SENP7: variants seen among roughly 807,000 people sequenced by gnomAD.
SENP7 encodes sentrin-specific protease 7.
A neutral mutation model predicts 141.2 loss-of-function variants in SENP7; 64 were observed. The observed-to-expected ratio is 0.45, with a 90% CI of 0.37 to 0.56. The LOEUF is 0.56. Ranked by LOEUF, SENP7 falls within the 20% of genes least tolerant of loss-of-function variation. SENP7 has a pLI of 0.00. For missense variants in SENP7, 1,025 were observed against 1,212.2 expected, an observed-to-expected ratio of 0.85 and a Z score of 2.29; for synonymous variants, 382 against 426.4, an observed-to-expected ratio of 0.90 and a Z score of 1.28.
chr3:101,374,116 A>G (rs1319568982), intron 6 of SENP7, among the ~76,000 whole-genome samples: 1 of 152,246 alleles, frequency 6.6e-6, no homozygotes, highest in Non-Finnish European at 1.5e-5. Context: ...CATATCGACC[A>G]TAGAAATAGA....
At chr3:101,334,083 T>A (rs1200533927) in intron 17 of SENP7, among the ~76,000 whole-genome samples, 1 of 152,160 alleles carries the variant, frequency 6.6e-6, no homozygotes. Flanking sequence ...GAGGCAGAGC[T>A]TAGGCAGTAA....
intron 11 of SENP7, 51 bp downstream of exon 11, chr3:101,361,664 A>T: frequency 1.4e-6 from 2 of 1,464,196 alleles, no homozygotes; most frequent in Non-Finnish European, 1.8e-6. Context: ...AAAAATTAAA[A>T]TGCCTTGTCC....
chr3:101,357,200 C>T, intron 11 of SENP7: 1 of 237,116 alleles, frequency 4.2e-6, no homozygotes. Flanking sequence ...AAGGTTTCAC[C>T]ATGTTGGTCA....
Position 101,332,792 on chromosome 3 carries a change from T to C in SENP7, c.2551A>G (p.Ile851Val). 1 of 1,556,772 alleles carries C rather than the reference T, an allele frequency of 6.4e-7. No individual in the cohort carries two copies. The highest frequency in any genetic ancestry group is 8.6e-7 in the Non-Finnish European group (1 of 1,157,854). The change falls in exon 18 of 24, where the codon ATC becomes GTC. Residue 851 changes from isoleucine (I) to valine (V), a missense_variant. By Grantham distance (29) the Ile-to-Val change is conservative. Coordinates refer to ENST00000394095, the MANE Select transcript of SENP7 (RefSeq NM_020654.5). The part of the protein sequence containing the change: ...RHINIFNKDY[I>V]FVPVNESSHW... ...TACGACTCATTTACAGGTACAAAGA[T>C]GTAATCTTTATTAAAAATGTTTATG... is the stretch of plus-strand genomic sequence containing the variant.
At chr3:101,390,234 A>C (rs2107539005) in intron 6 of SENP7, among the ~76,000 whole-genome samples, 1 of 150,312 alleles carries the variant, frequency 6.7e-6, no homozygotes, top group East Asian at 1.9e-4. Flanking sequence ...AAAAAAAAAA[A>C]AAAAAAAAAC....
At chr3:101,374,177 C>T (rs960023314) in intron 6 of SENP7, among the ~76,000 whole-genome samples, 1 of 152,074 alleles carries the variant, frequency 6.6e-6, no homozygotes, top group African/African-American at 2.4e-5. Context: ...AGATTTTTGA[C>T]AAGGATGCTG....
Position 101,513,204 on chromosome 3 carries a change from AG to A in SENP7, c.-75del. 1.8e-5 allele frequency: 3 copies of A among 169,000 alleles called. No homozygotes were observed. Among genetic ancestry groups the A allele is most frequent in the South Asian group, 4.8e-5 (1 of 20,886 alleles). The allele number at this position is 169,000 out of a possible 1,614,324, so 10.5% of individuals were successfully genotyped here. A position where few individuals can be genotyped will look rare whatever the true frequency, so the allele number is the denominator to read the frequency against. The stretch of plus-strand genomic sequence containing the variant: ...CCCTCCGGCTTGGAGAGGGAGGGGG[AG>A]GGGAAAGGAAAAAAAAAAAAAAAAA... On this transcript the variant is annotated 5_prime_UTR_variant, in exon 1 of 24. Coordinates refer to ENST00000394095, the MANE Select transcript of SENP7 (RefSeq NM_020654.5).
chr3:101,475,480 A>C (rs912585234), intron 3 of SENP7, among the ~76,000 whole-genome samples: 1 of 152,188 alleles, frequency 6.6e-6, no homozygotes, highest in African/African-American at 2.4e-5. Flanking sequence ...ACATGTCCTC[A>C]CTCATAAGTG....
At chr3:101,328,069 A>C (rs1449800358) in intron 22 of SENP7, among the ~76,000 whole-genome samples, 4 of 152,198 alleles carry the variant, frequency 2.6e-5, no homozygotes, top group Admixed American at 1.3e-4. Flanking sequence ...AACAAAGTAA[A>C]CTAAGAAATC....
intron 16 of SENP7, among the ~76,000 whole-genome samples, chr3:101,338,111 T>G (rs143388315): frequency 6.8e-6 from 1 of 147,528 alleles, no homozygotes; most frequent in African/African-American, 2.5e-5. Context: ...TGAGATCACA[T>G]CACTGCACTG....
chr3:101,420,442 G>A (rs1405317826), intron 4 of SENP7, among the ~76,000 whole-genome samples: 2 of 152,152 alleles, frequency 1.3e-5, no homozygotes, highest in South Asian at 2.1e-4. Flanking sequence ...TGTAGAGAGG[G>A]GGAACACAAG....
intron 19 of SENP7, 142 bp from the exon 20 acceptor site, chr3:101,330,528 A>G: frequency 4.0e-6 from 2 of 500,198 alleles, no homozygotes; most frequent in Middle Eastern, 5.3e-4. Context: ...TTCATGATTA[A>G]TGTTATGAAT....
intron 2 of SENP7, 27 bp downstream of exon 2, chr3:101,501,043 T>C (rs1370586531): frequency 1.3e-6 from 2 of 1,490,968 alleles, no homozygotes; most frequent in Middle Eastern, 1.7e-4. Flanking sequence ...CCAAAGATAA[T>C]AGGTTAAAAG....
chr3:101,467,976 T>C (rs767764879), intron 3 of SENP7, among the ~76,000 whole-genome samples: 2 of 152,012 alleles, frequency 1.3e-5, no homozygotes, highest in Non-Finnish European at 2.9e-5. Context: ...ATTAGACAAA[T>C]GGCTAACTAG....
rs753517318 is a variant in SENP7 at position 101,328,679 on chromosome 3, G to A, written c.2762C>T (p.Ser921Leu). The change falls in exon 21 of 24, where the codon TCG becomes TTG. Residue 921 changes from serine to leucine, a missense_variant. Ser to Leu is a moderately radical substitution (Grantham distance 145). Coordinates refer to ENST00000394095, the MANE Select transcript of SENP7 (RefSeq NM_020654.5). ...LSAEDSQSTE[S>L]NMSVPKKMCK... ...CATTTTCTTTGGTACTGACATATTCGACTCGGTACTCTGAAATAACATAAA... is the reference window on the plus strand; with the variant it reads ...CATTTTCTTTGGTACTGACATATTCAACTCGGTACTCTGAAATAACATAAA... 7.5e-6 allele frequency: 12 copies of A among 1,605,154 alleles called. No individual in the cohort carries two copies. Among genetic ancestry groups the A allele is most frequent in the Admixed American group, 1.7e-5 (1 of 59,712 alleles).
chr3:101,413,848 G>A (rs2061524492), intron 5 of SENP7, among the ~76,000 whole-genome samples: 1 of 152,074 alleles, frequency 6.6e-6, no homozygotes, highest in African/African-American at 2.4e-5. Context: ...GAATATGGAG[G>A]AACAGACAGA....
intron 5 of SENP7, among the ~76,000 whole-genome samples, chr3:101,406,946 A>G (rs2107612535): frequency 6.6e-6 from 1 of 152,364 alleles, no homozygotes; most frequent in East Asian, 1.9e-4. Flanking sequence ...ATTATCAGCC[A>G]AGAATTTTGT....
chr3:101,369,969 T>C (rs2060132695), intron 7 of SENP7, among the ~76,000 whole-genome samples: 1 of 152,158 alleles, frequency 6.6e-6, no homozygotes, highest in Admixed American at 6.5e-5. Flanking sequence ...AAGGCAAACT[T>C]AATGTGCTAT....
intron 4 of SENP7, among the ~76,000 whole-genome samples, chr3:101,442,737 G>C (rs2062727465): frequency 6.6e-6 from 1 of 151,860 alleles, no homozygotes. Context: ...TGCAATAGAA[G>C]AGTTCAATTA....
Sources: allele counts gnomAD v4.1 joint callset (sites outside exome capture counted in the v4.1 genomes callset), GRCh38; gene constraint gnomAD v4.1.1; transcripts MANE v1.5; gene names NCBI Gene and HGNC (gene_info 2026-07-23, HGNC 2026-07-21).